EVI5: variants seen among roughly 807,000 people sequenced by gnomAD.
The protein encoded by EVI5 is ecotropic viral integration site 5.
Under a neutral mutation model 112.0 loss-of-function variants are expected in EVI5, and 73 were observed. The observed-to-expected ratio is 0.65, with a 90% CI of 0.54 to 0.79. The LOEUF is 0.79. Ranked by LOEUF, EVI5 falls within the 30% of genes least tolerant of loss-of-function variation. The pLI, the probability that EVI5 is intolerant of heterozygous loss-of-function variation, is 0.00. For synonymous variants in EVI5, 305 were observed against 319.9 expected (o/e 0.95, Z 0.50); for missense variants, 900 against 968.8 (o/e 0.93, Z 0.94).
intron 18 of EVI5, among the ~76,000 whole-genome samples, chr1:92,587,967 T>C (rs1391150980): frequency 6.6e-6 from 1 of 152,222 alleles, no homozygotes; most frequent in Non-Finnish European, 1.5e-5. Context: ...TTCTCACCTA[T>C]TTTCCTTAAC....
chr1:92,508,837 T>C lies in EVI5; in HGVS notation c.*4819A>G, dbSNP rs1443127227. ...TTGCTTCTTGGTAGTATACTGAATG[T>C]ATTATTCTATCATCTCCTCTTTGGA... On this transcript the variant is annotated 3_prime_UTR_variant, in exon 20 of 20. Coordinates refer to ENST00000684568, the MANE Select transcript of EVI5 (RefSeq NM_001350197.2). 6.6e-6 allele frequency: 1 copy of C among 152,582 alleles called. No individual in the cohort carries two copies. The highest frequency in any genetic ancestry group is 1.5e-5 in the Non-Finnish European group (1 of 68,038). The allele number at this position is 152,582 out of a possible 1,614,324, so 9.5% of individuals were successfully genotyped here.
chr1:92,565,746 A>G (rs1669337370), intron 18 of EVI5, among the ~76,000 whole-genome samples: 2 of 151,950 alleles, frequency 1.3e-5, no homozygotes, highest in Non-Finnish European at 2.9e-5. Flanking sequence ...AGGCAGGTGG[A>G]TCACCTGAGG....
At chr1:92,677,391 T>C (rs1315149459) in intron 9 of EVI5, among the ~76,000 whole-genome samples, 173 bp from the exon 10 acceptor site, 1 of 152,206 alleles carries the variant, frequency 6.6e-6, no homozygotes, top group East Asian at 1.9e-4. Context: ...TGAGTTCTTA[T>C]TAAAAACTCA....
intron 13 of EVI5, among the ~76,000 whole-genome samples, chr1:92,648,694 T>C (rs1661492242): frequency 6.6e-6 from 1 of 152,256 alleles, no homozygotes; most frequent in Non-Finnish European, 1.5e-5. Context: ...ATCTACTTTA[T>C]ACCATATATT....
chr1:92,543,857 AT>A (rs1665240674), intron 19 of EVI5, among the ~76,000 whole-genome samples: 1 of 152,244 alleles, frequency 6.6e-6, no homozygotes, highest in Non-Finnish European at 1.5e-5. Context: ...GACTTGCTCA[AT>A]GCAGGATTGC....
At chr1:92,682,693 A>G (rs1572272248) in intron 9 of EVI5, among the ~76,000 whole-genome samples, 1 of 152,284 alleles carries the variant, frequency 6.6e-6, no homozygotes, top group East Asian at 1.9e-4. Context: ...GGAGGTTGCA[A>G]TGAGCCAAGA....
intron 16 of EVI5, among the ~76,000 whole-genome samples, chr1:92,612,475 G>C (rs1260716061): frequency 6.6e-6 from 1 of 152,136 alleles, no homozygotes; most frequent in South Asian, 2.1e-4. Context: ...TTGGGAGGCC[G>C]AGGCGGGAGG....
chr1:92,771,900 G>C (rs1162387501), intron 1 of EVI5, among the ~76,000 whole-genome samples: 2 of 151,838 alleles, frequency 1.3e-5, no homozygotes, highest in Non-Finnish European at 2.9e-5. Context: ...TGTCGCCCAG[G>C]CTGGAGTGCA....
chr1:92,582,858 CAT>C lies in EVI5; in HGVS notation c.2071-19123_2071-19122del, dbSNP rs571725240. On this transcript the variant is annotated intron_variant, in intron 18 of 19. Coordinates refer to ENST00000684568, the MANE Select transcript of EVI5 (RefSeq NM_001350197.2). ...ATTCATAAAGAATAAAAAGTGAACT[CAT>C]ATCCTCTACTCTTTTGCACCAAGCC... is the stretch of plus-strand genomic sequence containing the variant. Among the ~76,000 whole-genome samples, 146 of 152,230 alleles carry C rather than the reference CAT, an allele frequency of 9.6e-4. 1 individual carries two copies. The highest frequency in any genetic ancestry group is 3.3e-3 in the African/African-American group (139 of 41,518).
At chr1:92,536,818 C>T (rs1663983881) in intron 19 of EVI5, among the ~76,000 whole-genome samples, 1 of 152,066 alleles carries the variant, frequency 6.6e-6, no homozygotes, top group African/African-American at 2.4e-5. Flanking sequence ...TCTTTTAGCA[C>T]ATCATAGGAC....
chr1:92,574,586 T>C (rs930604118), intron 18 of EVI5, among the ~76,000 whole-genome samples: 2 of 152,162 alleles, frequency 1.3e-5, no homozygotes, highest in African/African-American at 4.8e-5. Flanking sequence ...GTGTATAATA[T>C]TGAAAAACAC....
At chr1:92,764,095 G>C (rs945199151) in intron 1 of EVI5, among the ~76,000 whole-genome samples, 1 of 152,150 alleles carries the variant, frequency 6.6e-6, no homozygotes, top group Non-Finnish European at 1.5e-5. Flanking sequence ...CCAGTAGTAT[G>C]AGTTTGTGTT....
intron 18 of EVI5, among the ~76,000 whole-genome samples, chr1:92,564,151 G>A (rs944370083): frequency 6.6e-6 from 1 of 152,052 alleles, no homozygotes; most frequent in Non-Finnish European, 1.5e-5. Flanking sequence ...TCAAACTTCT[G>A]ACCTCAGGTG....
chr1:92,713,487 C>G (rs528424662), intron 2 of EVI5, among the ~76,000 whole-genome samples: 1 of 151,662 alleles, frequency 6.6e-6, no homozygotes, highest in Non-Finnish European at 1.5e-5. Flanking sequence ...TAAAAAGAAC[C>G]CTTTCTGGCC....
Position 92,510,571 on chromosome 1 carries a change from A to C in EVI5, c.*3085T>G, listed in dbSNP as rs932219009. The stretch of plus-strand genomic sequence containing the variant: ...TGAAGAAGAAAAACCTGCATTTTAG[A>C]GTATCTGTTATCAAGGGTTAGCAAA... On this transcript the variant is annotated 3_prime_UTR_variant, in exon 20 of 20. Coordinates refer to ENST00000684568, the MANE Select transcript of EVI5 (RefSeq NM_001350197.2). The C allele has an allele frequency of 1.3e-5, 2 of 152,232 alleles. No homozygotes were observed. Among genetic ancestry groups the C allele is most frequent in the African/African-American group, 4.8e-5 (2 of 41,462 alleles). The allele number at this position is 152,232 out of a possible 1,614,324, so 9.4% of individuals were successfully genotyped here. A position where few individuals can be genotyped will look rare whatever the true frequency, so the allele number is the denominator to read the frequency against.
chr1:92,690,768 C>T (rs1158975423), intron 9 of EVI5, among the ~76,000 whole-genome samples: 2 of 152,164 alleles, frequency 1.3e-5, no homozygotes, highest in Non-Finnish European at 2.9e-5. Context: ...AGAGGGAAAA[C>T]ATAACCTCAT....
chr1:92,584,702 T>C (rs1672501486), intron 18 of EVI5, among the ~76,000 whole-genome samples: 1 of 152,236 alleles, frequency 6.6e-6, no homozygotes, highest in South Asian at 2.1e-4. Flanking sequence ...AACAGTTTCC[T>C]GTAATTTAAA....
intron 2 of EVI5, among the ~76,000 whole-genome samples, chr1:92,724,437 TAG>T (rs1388447281): frequency 6.6e-6 from 1 of 152,206 alleles, no homozygotes; most frequent in Non-Finnish European, 1.5e-5. Context: ...GATTAAATAA[TAG>T]AGACTAGCTT....
At chr1:92,642,478 T>C (rs748719556) in intron 13 of EVI5, among the ~76,000 whole-genome samples, 2 of 152,226 alleles carry the variant, frequency 1.3e-5, no homozygotes, top group Non-Finnish European at 2.9e-5. Flanking sequence ...CTATCTATCT[T>C]GGATTTTTAG....
Sources: allele counts gnomAD v4.1 joint callset (sites outside exome capture counted in the v4.1 genomes callset), GRCh38; gene constraint gnomAD v4.1.1; transcripts MANE v1.5; gene names NCBI Gene and HGNC (gene_info 2026-07-23, HGNC 2026-07-21).